EPHA3: variants seen among roughly 807,000 people sequenced by gnomAD.
The protein encoded by EPHA3 is EPH receptor A3.
A neutral mutation model predicts 107.1 loss-of-function variants in EPHA3; 42 were observed. The ratio of observed to expected loss-of-function variants is 0.39; its 90% CI spans 0.31 to 0.51. The LOEUF is 0.51. EPHA3 is among the 20% of genes least tolerant of loss of function. EPHA3 has a pLI of 0.78. For missense variants in EPHA3, 1,183 were observed against 1,211.2 expected (o/e 0.98, Z 0.35); for synonymous variants, 461 against 424.8 (o/e 1.09, Z -1.05).
intron 6 of EPHA3, among the ~76,000 whole-genome samples, chr3:89,398,390 C>G (rs147086397): frequency 0.011 from 1,721 of 152,236 alleles, 38 homozygotes; most frequent in African/African-American, 0.039. Context: ...TAAAATGTGT[C>G]GTGTGAATCT....
chr3:89,113,739 G>T (rs749208235), intron 1 of EPHA3, among the ~76,000 whole-genome samples: 11 of 45,582 alleles, frequency 2.4e-4, no homozygotes, highest in Non-Finnish European at 4.3e-4. Flanking sequence ...GGGTTGAGGT[G>T]GGGGGGGGCT....
chr3:89,430,468 A>G (rs973989452), intron 12 of EPHA3, among the ~76,000 whole-genome samples: 1 of 152,106 alleles, frequency 6.6e-6, no homozygotes, highest in Non-Finnish European at 1.5e-5. Flanking sequence ...ATTATGATAA[A>G]TATTCTTTCA....
intron 3 of EPHA3, among the ~76,000 whole-genome samples, chr3:89,212,344 T>G (rs1704122304): frequency 6.6e-6 from 1 of 152,028 alleles, no homozygotes; most frequent in African/African-American, 2.4e-5. Context: ...CAGGTGGGGT[T>G]GTTTTTTTGG....
At chr3:89,181,964 C>T (rs1705452418) in intron 2 of EPHA3, among the ~76,000 whole-genome samples, 1 of 151,644 alleles carries the variant, frequency 6.6e-6, no homozygotes, top group African/African-American at 2.4e-5. Flanking sequence ...TCTTAGGCAA[C>T]AGTGAGCACT....
chr3:89,437,173 A>G (rs1479749756), intron 13 of EPHA3, among the ~76,000 whole-genome samples: 1 of 152,188 alleles, frequency 6.6e-6, no homozygotes, highest in African/African-American at 2.4e-5. Flanking sequence ...CCACTGTTAT[A>G]GATACTTTAC....
chr3:89,385,329 C>T (rs552619134), intron 5 of EPHA3, among the ~76,000 whole-genome samples: 8 of 152,234 alleles, frequency 5.3e-5, no homozygotes, highest in African/African-American at 7.2e-5. Flanking sequence ...TTATAGTTCC[C>T]ACAATCCCCA....
intron 2 of EPHA3, among the ~76,000 whole-genome samples, chr3:89,171,489 G>A (rs1705208175): frequency 6.6e-6 from 1 of 152,134 alleles, no homozygotes; most frequent in African/African-American, 2.4e-5. Flanking sequence ...TGATTTTGAG[G>A]CTTATATTGA....
At chr3:89,471,539 T>C (rs575931764) in intron 15 of EPHA3, among the ~76,000 whole-genome samples, 1 of 152,220 alleles carries the variant, frequency 6.6e-6, no homozygotes, top group East Asian at 1.9e-4. Context: ...TAATTTGGTA[T>C]TTTTAGTAGA....
intron 5 of EPHA3, among the ~76,000 whole-genome samples, chr3:89,392,238 G>T (rs145542249): frequency 6.6e-6 from 1 of 152,198 alleles, no homozygotes; most frequent in Non-Finnish European, 1.5e-5. Flanking sequence ...TCAGGAGTTC[G>T]AGACCAGCCT....
chr3:89,166,334 C>T (rs1705064122), intron 2 of EPHA3, among the ~76,000 whole-genome samples: 1 of 152,130 alleles, frequency 6.6e-6, no homozygotes. Context: ...AAAATATGCC[C>T]AGCACATATA....
intron 3 of EPHA3, among the ~76,000 whole-genome samples, chr3:89,227,407 C>A (rs1382737632): frequency 1.3e-5 from 2 of 152,002 alleles, no homozygotes; most frequent in East Asian, 1.9e-4. Flanking sequence ...GGATCACTTG[C>A]AGGTCTCTAA....
At chr3:89,134,110 A>G (rs1419979000) in intron 2 of EPHA3, among the ~76,000 whole-genome samples, 1 of 151,964 alleles carries the variant, frequency 6.6e-6, no homozygotes, top group Non-Finnish European at 1.5e-5. Flanking sequence ...CAAATGCCGA[A>G]CAACCGCAGA....
chr3:89,364,344 C>G (rs1708149736), intron 5 of EPHA3, among the ~76,000 whole-genome samples: 1 of 150,998 alleles, frequency 6.6e-6, no homozygotes, highest in African/African-American at 2.4e-5. Flanking sequence ...TTACCTACTC[C>G]AAGCCAATCC....
intron 3 of EPHA3, among the ~76,000 whole-genome samples, chr3:89,317,926 C>T (rs2107373684): frequency 6.6e-6 from 1 of 151,846 alleles, no homozygotes; most frequent in African/African-American, 2.4e-5. Context: ...AAAATATTGT[C>T]TTTTCTCATT....
chr3:89,400,821 G>A (rs985591374), intron 7 of EPHA3, among the ~76,000 whole-genome samples: 2 of 152,116 alleles, frequency 1.3e-5, no homozygotes, highest in African/African-American at 4.8e-5. Context: ...AAGGAAAAAG[G>A]ATATATATCA....
intron 5 of EPHA3, among the ~76,000 whole-genome samples, chr3:89,353,297 A>G (rs2063589): frequency 0.88 from 132,842 of 151,108 alleles, 59,301 homozygotes; most frequent in African/African-American, 0.97. Context: ...GAAGGTAGAC[A>G]TTTTTCAGCG....
chr3:89,257,934 A>G (rs916777656), intron 3 of EPHA3, among the ~76,000 whole-genome samples: 1 of 152,100 alleles, frequency 6.6e-6, no homozygotes, highest in African/African-American at 2.4e-5. Context: ...ATTCACGTGA[A>G]CTCTGTGTCA....
chr3:89,321,656 A>AAACC (rs1264286431), intron 3 of EPHA3, among the ~76,000 whole-genome samples: 1 of 152,248 alleles, frequency 6.6e-6, no homozygotes, highest in African/African-American at 2.4e-5. Context: ...AGAGCCTTAT[A>AAACC]AACCAGTGGG....
chr3:89,385,605 T>C (rs1708600564), intron 5 of EPHA3, among the ~76,000 whole-genome samples: 1 of 152,192 alleles, frequency 6.6e-6, no homozygotes, highest in Non-Finnish European at 1.5e-5. Flanking sequence ...TACCCAGTGT[T>C]GAGTAGTTCT....
Sources: allele counts gnomAD v4.1 joint callset (sites outside exome capture counted in the v4.1 genomes callset), GRCh38; gene constraint gnomAD v4.1.1; transcripts MANE v1.5; gene names NCBI Gene and HGNC (gene_info 2026-07-23, HGNC 2026-07-21).